Variants in CACNA2D4 observed in about 807,000 individuals in gnomAD.
The protein encoded by CACNA2D4 is calcium voltage-gated channel auxiliary subunit alpha2delta 4.
Under a neutral mutation model 163.8 loss-of-function variants are expected in CACNA2D4, and 157 were observed. The ratio of observed to expected loss-of-function variants is 0.96; its 90% CI spans 0.84 to 1.09. The LOEUF is 1.09. Among genes scored for constraint, CACNA2D4 ranks in the 50% least tolerant of loss-of-function variants. CACNA2D4 has a pLI of 0.00. For missense variants in CACNA2D4, 1,410 were observed against 1,479.9 expected, an observed-to-expected ratio of 0.95 and a Z score of 0.78; for synonymous variants, 598 against 586.9, an observed-to-expected ratio of 1.02 and a Z score of -0.27.
At chr12:1,851,084 T>C (rs1865268653) in intron 23 of CACNA2D4, among the ~76,000 whole-genome samples, 1 of 152,162 alleles carries the variant, frequency 6.6e-6, no homozygotes, top group African/African-American at 2.4e-5. Context: ...GGTCTTGTCA[T>C]TTTTCACAGG....
chr12:1,821,570 T>A (rs1467962804), intron 26 of CACNA2D4, among the ~76,000 whole-genome samples: 1 of 152,112 alleles, frequency 6.6e-6, no homozygotes, highest in Admixed American at 6.5e-5. Flanking sequence ...CAGCCGTCCA[T>A]CTGCAAATGG....
At chr12:1,893,031 C>CTTT (rs1866323200) in intron 6 of CACNA2D4, among the ~76,000 whole-genome samples, 1 of 152,102 alleles carries the variant, frequency 6.6e-6, no homozygotes, top group Admixed American at 6.5e-5. Context: ...AGACAGACTC[C>CTTT]AATACAATAA....
intron 26 of CACNA2D4, among the ~76,000 whole-genome samples, chr12:1,814,203 T>C (rs939307325): frequency 1.3e-5 from 2 of 151,726 alleles, no homozygotes; most frequent in East Asian, 3.9e-4. Flanking sequence ...CATAGAATCA[T>C]GAGATTTCTG....
Position 1,858,345 on chromosome 12 carries a change from C to T in CACNA2D4, c.2008+232G>A, listed in dbSNP as rs573270643. ...TCCCGGAAACTAGCAGTGCGGTTGGCAGGTCTCAGGCTCTGCTGGTTTGAC... is the reference window on the plus strand; with the variant it reads ...TCCCGGAAACTAGCAGTGCGGTTGGTAGGTCTCAGGCTCTGCTGGTTTGAC... On this transcript the variant is annotated intron_variant, in intron 20 of 37. Transcript: ENST00000382722. Among the ~76,000 whole-genome samples, 9 of 152,264 alleles carry T rather than the reference C, an allele frequency of 5.9e-5. No individual in the cohort carries two copies. The South Asian group carries it at 1.5e-3, about 25-fold the overall frequency.
Position 1,828,964 on chromosome 12 carries a change from G to C in CACNA2D4, c.2551+11775C>G, listed in dbSNP as rs187732318. ...ACGGTGGCAGGGAGGAAACGGTCCC[G>C]CGGGACGGCATTCCGCCTGACTTCC... On this transcript the variant is annotated intron_variant, in intron 26 of 37. Coordinates refer to ENST00000382722, the MANE Select transcript of CACNA2D4 (RefSeq NM_172364.5). The surrounding 1 kb of genome is among the most constrained non-coding windows in gnomAD (Gnocchi z 4.2). Among the ~76,000 whole-genome samples the C allele has an allele frequency of 6.6e-6, 1 of 152,184 alleles. No homozygotes were observed. The highest frequency in any genetic ancestry group is 2.4e-5 in the African/African-American group (1 of 41,444).
chr12:1,827,983 G>A, intron 26 of CACNA2D4: 1 of 480,156 alleles, frequency 2.1e-6, no homozygotes, highest in Non-Finnish European at 3.6e-6. Flanking sequence ...AGGGCATGAG[G>A]AGTGTAAAGA....
intron 18 of CACNA2D4, among the ~76,000 whole-genome samples, chr12:1,871,134 TTGC>T (rs1167416682): frequency 1.3e-5 from 2 of 148,638 alleles, no homozygotes; most frequent in Admixed American, 1.3e-4. Context: ...TACACGTGTG[TTGC>T]TGGTGTGTGT....
At position 1,828,155 on chromosome 12, in the gene CACNA2D4, G is replaced by C. The variant is rs200752924; in HGVS notation, c.2551+12584C>G. ...GAGAGCCGTGGGCCTCACCATGCTG[G>C]CGCCGGGCAGCAGCCCTGGGCAGAG... On this transcript the variant is annotated intron_variant, in intron 26 of 37. Coordinates refer to ENST00000382722, the MANE Select transcript of CACNA2D4 (RefSeq NM_172364.5). The surrounding 1 kb of genome is among the most constrained non-coding windows in gnomAD (Gnocchi z 4.2). 3.8e-4 allele frequency: 580 copies of C among 1,542,846 alleles called. 2 individuals are homozygous for C. In the African/African-American group the frequency reaches 5.0e-3, roughly 13 times the overall value.
At chr12:1,813,567 G>A (rs1413565588) in intron 26 of CACNA2D4, among the ~76,000 whole-genome samples, 1 of 152,132 alleles carries the variant, frequency 6.6e-6, no homozygotes, top group Non-Finnish European at 1.5e-5. Context: ...TATGGTTGGT[G>A]GCCAGCGTTT....
In CACNA2D4 at chr12:1,828,636, G is replaced by A. The variant is rs117625848; in HGVS notation, c.2551+12103C>T. ...TGCTCCCGTGGGGAACTGCCCCCTT[G>A]GCTGGCCTCGGCCAGGAGCTGGGTC... On this transcript the variant is annotated intron_variant, in intron 26 of 37. Coordinates refer to ENST00000382722, the MANE Select transcript of CACNA2D4 (RefSeq NM_172364.5). The surrounding 1 kb of genome is among the most constrained non-coding windows in gnomAD (Gnocchi z 4.2). 6.6e-5 allele frequency among the ~76,000 whole-genome samples: 10 copies of A among 152,304 alleles called. No homozygotes were observed. Among genetic ancestry groups the A allele is most frequent in the Non-Finnish European group, 8.8e-5 (6 of 68,016 alleles).
At chr12:1,865,209 C>T (rs1318656486) in intron 18 of CACNA2D4, among the ~76,000 whole-genome samples, 1 of 152,236 alleles carries the variant, frequency 6.6e-6, no homozygotes, top group Non-Finnish European at 1.5e-5. Flanking sequence ...CTTGCTGAAG[C>T]TGCTGTTGGA....
In CACNA2D4 at chr12:1,814,119, C is replaced by T. The variant is rs369000171; in HGVS notation, c.2552-2396G>A. Among the ~76,000 whole-genome samples the T allele has an allele frequency of 1.7e-3, 262 of 152,286 alleles. 3 individuals carry two copies. The highest frequency in any genetic ancestry group is 0.01 in the Middle Eastern group (3 of 294). ...CTTCCTTCATCCTGTCCTTGGCCTC[C>T]GTGGTCAAAGAGGTCTCACATTATT... On this transcript the variant is annotated intron_variant, in intron 26 of 37. Transcript: ENST00000382722.
chr12:1,875,011 T>A lies in CACNA2D4; in HGVS notation c.1806+240A>T, dbSNP rs1865854094. ...ACTCAGACTCTGCAGCTTATACACA[T>A]GATCTCATCCAGCCTCAGTAGTCCT... is the stretch of plus-strand genomic sequence containing the variant. On this transcript the variant is annotated intron_variant, in intron 17 of 37. Transcript: ENST00000382722. The surrounding 1 kb of genome is among the most constrained non-coding windows in gnomAD (Gnocchi z 4.0). 6.6e-6 allele frequency among the ~76,000 whole-genome samples: 1 copy of A among 152,232 alleles called. No homozygotes were observed. Among genetic ancestry groups the A allele is most frequent in the African/African-American group, 2.4e-5 (1 of 41,458 alleles).
Position 1,829,013 on chromosome 12 carries a change from G to A in CACNA2D4, c.2551+11726C>T, listed in dbSNP as rs138256776. ...CCCGCTCTGATCCAGCACCCAACAC[G>A]GGCAGCCTGAATTATTCACCATGTG... On this transcript the variant is annotated intron_variant, in intron 26 of 37. Coordinates refer to ENST00000382722, the MANE Select transcript of CACNA2D4 (RefSeq NM_172364.5). This position sits in a 1 kb window ranked among gnomAD's most constrained non-coding sequence, Gnocchi z 4.2. Among the ~76,000 whole-genome samples, 304 of 152,302 alleles carry A rather than the reference G, an allele frequency of 2.0e-3. 1 individual carries two copies. Among genetic ancestry groups the A allele is most frequent in the Non-Finnish European group, 3.4e-3 (234 of 68,018 alleles).
At chr12:1,810,518 C>A in intron 28 of CACNA2D4, 25 bp downstream of exon 28, 1 of 1,552,218 alleles carries the variant, frequency 6.4e-7, no homozygotes, top group Non-Finnish European at 8.7e-7. Flanking sequence ...CCCTCCTCCA[C>A]CTTCCTCACA....
rs1343319245 is a variant in CACNA2D4, at chr12:1,917,615, G to A, written c.227+632C>T. On this transcript the variant is annotated intron_variant, in intron 1 of 37. Transcript: ENST00000382722. This position sits in a 1 kb window ranked among gnomAD's most constrained non-coding sequence, Gnocchi z 4.3. ...AGAGAGGTTGCACAGTAATTTACAT[G>A]TACACCAAGGTGCACATGACTGATA... 6.6e-6 allele frequency among the ~76,000 whole-genome samples: 1 copy of A among 152,150 alleles called. No homozygotes were observed. The highest frequency in any genetic ancestry group is 1.5e-5 in the Non-Finnish European group (1 of 68,022).
intron 21 of CACNA2D4, 32 bp from the exon 22 acceptor site, chr12:1,856,141 A>G: frequency 6.2e-7 from 1 of 1,613,758 alleles, no homozygotes; most frequent in South Asian, 1.1e-5. Flanking sequence ...GTTATCTCAA[A>G]ACATTCCACC....
intron 29 of CACNA2D4, among the ~76,000 whole-genome samples, chr12:1,804,336 G>A (rs1592654110): frequency 6.6e-6 from 1 of 152,150 alleles, no homozygotes; most frequent in African/African-American, 2.4e-5. Flanking sequence ...AAAGTGCAGC[G>A]GGGTGCAGAC....
At chr12:1,909,125 C>T (rs562627754) in intron 4 of CACNA2D4, among the ~76,000 whole-genome samples, 75 of 152,320 alleles carry the variant, frequency 4.9e-4, no homozygotes, top group Non-Finnish European at 7.5e-4. Flanking sequence ...CCTCACCAGC[C>T]TCTGGACACA....
Sources: allele counts gnomAD v4.1 joint callset (sites outside exome capture counted in the v4.1 genomes callset), GRCh38; gene constraint gnomAD v4.1.1; non-coding constraint Gnocchi (gnomAD v3.1); transcripts MANE v1.5; gene names NCBI Gene and HGNC (gene_info 2026-07-23, HGNC 2026-07-21).